Variants in MCMBP observed in about 807,000 individuals in gnomAD.
MCMBP encodes the protein mini-chromosome maintenance complex-binding protein.
Under a neutral mutation model 81.3 loss-of-function variants are expected in MCMBP, and 31 were observed. That is an observed-to-expected ratio of 0.38 (90% CI 0.29 to 0.51). MCMBP has a LOEUF of 0.51. Among genes scored for constraint, MCMBP ranks in the 20% least tolerant of loss-of-function variants. The pLI is 0.87. For missense variants in MCMBP, 645 were observed against 772.1 expected (o/e 0.84, Z 1.95); for synonymous variants, 267 against 275.9 (o/e 0.97, Z 0.32).
intron 2 of MCMBP, among the ~76,000 whole-genome samples, 176 bp downstream of exon 2, chr10:119,859,623 T>G (rs1853180184): frequency 6.6e-6 from 1 of 152,212 alleles, no homozygotes; most frequent in Admixed American, 6.5e-5. Flanking sequence ...TGTATAAGTA[T>G]TTACATGCTT....
intron 1 of MCMBP, 95 bp downstream of exon 1, chr10:119,872,432 G>A (rs1853719625): frequency 2.8e-6 from 2 of 726,092 alleles, no homozygotes; most frequent in Non-Finnish European, 1.8e-6. Context: ...GAGCCCTCGA[G>A]ATGGTACCGC....
intron 5 of MCMBP, among the ~76,000 whole-genome samples, chr10:119,857,093 A>G (rs1045874017): frequency 5.8e-5 from 7 of 120,388 alleles, no homozygotes; most frequent in African/African-American, 2.1e-4. Context: ...GTGAGTCCCT[A>G]TCTCAAAAAA....
intron 6 of MCMBP, among the ~76,000 whole-genome samples, 180 bp downstream of exon 6, chr10:119,852,870 C>T (rs1046417512): frequency 3.9e-5 from 6 of 152,230 alleles, no homozygotes; most frequent in Non-Finnish European, 7.3e-5. Flanking sequence ...CAAAGTGATG[C>T]CTAATTGCTC....
At chr10:119,872,181 C>G (rs917060377) in intron 1 of MCMBP, among the ~76,000 whole-genome samples, 3 of 152,138 alleles carry the variant, frequency 2.0e-5, no homozygotes, top group African/African-American at 7.2e-5. Flanking sequence ...CGAGGACCTC[C>G]GAGTTTGCTG....
At chr10:119,867,994 T>G (rs1229772029) in intron 1 of MCMBP, among the ~76,000 whole-genome samples, 4 of 152,232 alleles carry the variant, frequency 2.6e-5, no homozygotes, top group Non-Finnish European at 5.9e-5. Flanking sequence ...ATGCTAGTGA[T>G]AAAATAGTCT....
upstream of MCMBP, chr10:119,872,955 G>A (rs1226145092): frequency 6.6e-6 from 1 of 151,778 alleles, no homozygotes; most frequent in Non-Finnish European, 1.5e-5. Flanking sequence ...GAGGAGGAGG[G>A]GCGGCGGCGG....
chr10:119,848,640 A>C (rs755450160), intron 7 of MCMBP, among the ~76,000 whole-genome samples: 1 of 152,088 alleles, frequency 6.6e-6, no homozygotes, highest in Non-Finnish European at 1.5e-5. Context: ...CCCCCCAAAA[A>C]CAAAAAAACC....
chr10:119,835,158 AG>A (rs1852194904), intron 14 of MCMBP, among the ~76,000 whole-genome samples: 1 of 152,232 alleles, frequency 6.6e-6, no homozygotes, highest in South Asian at 2.1e-4. Flanking sequence ...CACAAGGGAG[AG>A]GAGAAGGAAC....
At chr10:119,861,224 C>T (rs957639914) in intron 1 of MCMBP, among the ~76,000 whole-genome samples, 4 of 152,282 alleles carry the variant, frequency 2.6e-5, no homozygotes, top group Admixed American at 1.3e-4. Context: ...CTTCCAAACA[C>T]GTTTACTTAA....
intron 12 of MCMBP, among the ~76,000 whole-genome samples, chr10:119,837,236 C>G (rs1398986162): frequency 2.6e-5 from 4 of 152,064 alleles, no homozygotes; most frequent in Non-Finnish European, 5.9e-5. Flanking sequence ...GCAGGCGATA[C>G]CCCCGCAAAT....
rs544431830 is a variant in MCMBP, at chr10:119,855,073, C to T, written c.430-1879G>A. Among the ~76,000 whole-genome samples the T allele has an allele frequency of 4.6e-5, 7 of 151,402 alleles. No homozygotes were observed. In the South Asian group the frequency reaches 1.2e-3, roughly 27 times the overall value. On this transcript the variant is annotated intron_variant, in intron 5 of 15. Transcript: ENST00000369077. ...CTTCTTAATTTATATAAAAGACAAA[C>T]GACTGTTAAAAACAAAAATAGTATG...
At chr10:119,845,596 C>A (rs1852589764) in intron 8 of MCMBP, among the ~76,000 whole-genome samples, 1 of 152,078 alleles carries the variant, frequency 6.6e-6, no homozygotes, top group African/African-American at 2.4e-5. Context: ...ATGGGGATAG[C>A]CGAGAATGAC....
chr10:119,836,163 C>CTT, intron 13 of MCMBP, among the ~76,000 whole-genome samples: 1 of 152,294 alleles, frequency 6.6e-6, no homozygotes, highest in East Asian at 1.9e-4. Flanking sequence ...AATTTACATG[C>CTT]TTTATAACTA....
At chr10:119,858,483 G>A (rs563698218) in intron 4 of MCMBP, among the ~76,000 whole-genome samples, 4 of 152,012 alleles carry the variant, frequency 2.6e-5, no homozygotes, top group South Asian at 4.2e-4. Context: ...TCTCATCTCC[G>A]AGCTACCTAG....
At position 119,859,046 on chromosome 10, in the gene MCMBP, C is replaced by A; in HGVS notation, c.280G>T (p.Ala94Ser). The A allele has an allele frequency of 3.1e-6, 5 of 1,613,446 alleles. No individual in the cohort carries two copies. Among genetic ancestry groups the A allele is most frequent in the Non-Finnish European group, 4.2e-6 (5 of 1,179,706 alleles). ...VYETVNQNTK[A>S]HVLHFGKYRD... is the part of the protein sequence containing the mutation. ...ATGAAAACAGCAATACTTACATGTG[C>A]TTTTGTGTTTTGGTTAACCGTTTCA... Residue 94 changes from alanine (A) to serine (S), a missense_variant, in exon 3 of 16, where the codon GCA (alanine) becomes TCA (serine). By Grantham distance (99) the Ala-to-Ser change is moderately conservative. Coordinates refer to ENST00000369077, the MANE Select transcript of MCMBP (RefSeq NM_001256378.2).
At chr10:119,872,498 C>T (rs1475227825) in intron 1 of MCMBP, 29 bp downstream of exon 1, 11 of 1,172,238 alleles carry the variant, frequency 9.4e-6, no homozygotes, top group African/African-American at 1.6e-5. Flanking sequence ...GGCTGCCCGC[C>T]CGGCCCGCCC....
intron 10 of MCMBP, among the ~76,000 whole-genome samples, chr10:119,841,497 A>G (rs1589780496): frequency 6.6e-6 from 1 of 152,280 alleles, no homozygotes; most frequent in Non-Finnish European, 1.5e-5. Flanking sequence ...ATAGTGAAAT[A>G]CTTTGCAGCC....
chr10:119,855,609 TG>T (rs1853008775), intron 5 of MCMBP, among the ~76,000 whole-genome samples: 1 of 151,674 alleles, frequency 6.6e-6, no homozygotes, highest in Non-Finnish European at 1.5e-5. Context: ...AGGCTGAGGT[TG>T]CAGTGAGCCG....
intron 1 of MCMBP, among the ~76,000 whole-genome samples, chr10:119,870,724 T>C (rs1216518222): frequency 1.3e-5 from 2 of 152,228 alleles, no homozygotes; most frequent in African/African-American, 2.4e-5. Context: ...AACATACTTG[T>C]AATGCTGTTA....
Sources: allele counts gnomAD v4.1 joint callset (sites outside exome capture counted in the v4.1 genomes callset), GRCh38; gene constraint gnomAD v4.1.1; transcripts MANE v1.5; gene names NCBI Gene and HGNC (gene_info 2026-07-23, HGNC 2026-07-21).